SYT1: variants seen among roughly 807,000 people sequenced by gnomAD.
SYT1 encodes synaptotagmin-1.
SYT1 carries 8 observed loss-of-function variants against 44.8 expected under a neutral mutation model. The observed-to-expected ratio is 0.18, with a 90% CI of 0.10 to 0.32. The LOEUF (loss-of-function observed/expected upper bound fraction) is 0.32, where lower values mean the gene tolerates loss of function less well. SYT1 is among the 10% of genes least tolerant of loss of function. The pLI is 1.00. For synonymous variants in SYT1, 154 were observed against 188.8 expected (o/e 0.82, Z 1.51); for missense variants, 286 against 509.3 (o/e 0.56, Z 4.22).
At chr12:78,925,318 T>C (rs1226045476) in intron 1 of SYT1, among the ~76,000 whole-genome samples, 2 of 152,000 alleles carry the variant, frequency 1.3e-5, no homozygotes, top group Non-Finnish European at 2.9e-5. Context: ...TCTAGGAATC[T>C]GAGCAAAAGC....
At chr12:79,045,192 G>C (rs539594033) in intron 2 of SYT1, among the ~76,000 whole-genome samples, 11 of 152,208 alleles carry the variant, frequency 7.2e-5, no homozygotes, top group African/African-American at 2.2e-4. Context: ...AAGCAAGCCC[G>C]GGCAATGGCG....
chr12:78,948,989 TATTATATTAC>T (rs1185577645), intron 1 of SYT1, among the ~76,000 whole-genome samples: 2 of 129,248 alleles, frequency 1.5e-5, no homozygotes, highest in Non-Finnish European at 3.4e-5. Context: ...TATTATATTA[TATTATATTAC>T]ATTATCAACT....
chr12:79,027,777 C>T lies in SYT1; in HGVS notation c.-83-19520C>T, dbSNP rs113430010. On this transcript the variant is annotated intron_variant, in intron 2 of 10. Coordinates refer to ENST00000261205, the MANE Select transcript of SYT1 (RefSeq NM_005639.3). ...ATAAATAAGAAGCTTTATTAAGATA[C>T]ATTCTATCTGCAGCAATATAAAAGC... Among the ~76,000 whole-genome samples, 492 of 151,588 alleles carry T rather than the reference C, an allele frequency of 3.2e-3. 4 individuals are homozygous for T. The highest frequency in any genetic ancestry group is 0.01 in the Middle Eastern group (3 of 294).
intron 4 of SYT1, among the ~76,000 whole-genome samples, chr12:79,263,178 G>A (rs929677770): frequency 3.3e-5 from 5 of 151,950 alleles, no homozygotes; most frequent in African/African-American, 9.7e-5. Context: ...CAGTGAGCTC[G>A]CATTCTGGGG....
intron 8 of SYT1, among the ~76,000 whole-genome samples, chr12:79,320,856 C>T (rs1263304121): frequency 1.3e-5 from 2 of 151,860 alleles, no homozygotes; most frequent in African/African-American, 2.4e-5. Flanking sequence ...CTCTTGGCCT[C>T]GTGATCGGCC....
chr12:79,189,004 A>G (rs1466638475), intron 3 of SYT1, among the ~76,000 whole-genome samples: 2 of 152,018 alleles, frequency 1.3e-5, no homozygotes, highest in East Asian at 3.9e-4. Context: ...GCTCTTTCTC[A>G]GTCAGGCTTC....
intron 6 of SYT1, among the ~76,000 whole-genome samples, chr12:79,293,340 TAAA>T (rs1303706901): frequency 7.2e-5 from 1 of 13,974 alleles, no homozygotes; most frequent in African/African-American, 5.9e-4. Flanking sequence ...TAAAATAAAA[TAAA>T]ATAAAATAAA....
intron 1 of SYT1, among the ~76,000 whole-genome samples, chr12:78,963,472 A>G (rs568487091): frequency 2.6e-5 from 4 of 152,200 alleles, no homozygotes; most frequent in African/African-American, 9.6e-5. Flanking sequence ...AGCAAAAAAA[A>G]CACACTGACA....
At chr12:79,385,977 G>A (rs770220471) in intron 9 of SYT1, among the ~76,000 whole-genome samples, 4 of 152,156 alleles carry the variant, frequency 2.6e-5, no homozygotes, top group Admixed American at 6.5e-5. Flanking sequence ...TACTCAGGCT[G>A]GCCCACAGAA....
chr12:79,135,741 A>C (rs922294877), intron 3 of SYT1, among the ~76,000 whole-genome samples: 9 of 152,126 alleles, frequency 5.9e-5, no homozygotes, highest in African/African-American at 2.2e-4. Flanking sequence ...ATTCAACTCC[A>C]TGCCTTTACT....
chr12:79,058,887 A>G (rs982451282), intron 3 of SYT1, among the ~76,000 whole-genome samples: 1 of 152,068 alleles, frequency 6.6e-6, no homozygotes, highest in Non-Finnish European at 1.5e-5. Context: ...TTATTTTAAT[A>G]CATACACATT....
At position 78,936,282 on chromosome 12, in the gene SYT1, G is replaced by A. The variant is rs61929226; in HGVS notation, c.-216-41517G>A. ...CATTGTTTCCTCATTTGTAACATATGGTGGTTTAATCAGTATTATCTCTAA... is the reference window on the plus strand; with the variant it reads ...CATTGTTTCCTCATTTGTAACATATAGTGGTTTAATCAGTATTATCTCTAA... On this transcript the variant is annotated intron_variant, in intron 1 of 10. Transcript: ENST00000261205. Among the ~76,000 whole-genome samples, 1,337 of 152,166 alleles carry A rather than the reference G, an allele frequency of 8.8e-3. 5 individuals carry two copies. The highest frequency in any genetic ancestry group is 0.013 in the Non-Finnish European group (907 of 67,994).
chr12:79,312,997 C>G (rs942813131), intron 8 of SYT1, among the ~76,000 whole-genome samples: 1 of 152,194 alleles, frequency 6.6e-6, no homozygotes, highest in Non-Finnish European at 1.5e-5. Context: ...CTGTGGTATA[C>G]TGTCACTTTT....
At chr12:79,266,541 A>C (rs988655620) in intron 4 of SYT1, among the ~76,000 whole-genome samples, 9 of 152,200 alleles carry the variant, frequency 5.9e-5, no homozygotes, top group African/African-American at 2.2e-4. Flanking sequence ...TAAACAGAAG[A>C]GGCATATGAT....
chr12:79,167,824 C>CGGGGGATGCAGA (rs1871303603), intron 3 of SYT1, among the ~76,000 whole-genome samples: 1 of 151,848 alleles, frequency 6.6e-6, no homozygotes, highest in African/African-American at 2.4e-5. Flanking sequence ...GGGGATGCAG[C>CGGGGGATGCAGA]GGGCTGGGAA....
intron 4 of SYT1, among the ~76,000 whole-genome samples, chr12:79,235,747 A>G (rs1052639599): frequency 6.6e-6 from 1 of 151,702 alleles, no homozygotes; most frequent in Non-Finnish European, 1.5e-5. Context: ...AATAGACACT[A>G]AATCAAAGAA....
At chr12:79,120,544 G>A (rs1879538834) in intron 3 of SYT1, among the ~76,000 whole-genome samples, 1 of 152,076 alleles carries the variant, frequency 6.6e-6, no homozygotes, top group African/African-American at 2.4e-5. Flanking sequence ...TAGTATATAA[G>A]TTATCAAAAC....
chr12:79,045,330 A>G (rs548340858), intron 2 of SYT1, among the ~76,000 whole-genome samples: 2 of 151,710 alleles, frequency 1.3e-5, no homozygotes, highest in African/African-American at 2.4e-5. Context: ...GTGGTGCGCC[A>G]TTTTTTAAGC....
chr12:79,267,555 T>G (rs1220539427), intron 4 of SYT1, among the ~76,000 whole-genome samples: 1 of 152,228 alleles, frequency 6.6e-6, no homozygotes, highest in Non-Finnish European at 1.5e-5. Context: ...TTTTTAGTTT[T>G]GAACTTAGAA....
Sources: allele counts gnomAD v4.1 joint callset (sites outside exome capture counted in the v4.1 genomes callset), GRCh38; gene constraint gnomAD v4.1.1; transcripts MANE v1.5; gene names NCBI Gene and HGNC (gene_info 2026-07-23, HGNC 2026-07-21).